MYB: variants seen among roughly 807,000 people sequenced by gnomAD.
MYB encodes MYB proto-oncogene, transcription factor, also known as transcriptional activator Myb.
MYB carries 28 observed loss-of-function variants against 92.9 expected under a neutral mutation model. The ratio of observed to expected loss-of-function variants is 0.30; its 90% CI spans 0.22 to 0.41. MYB has a LOEUF of 0.41. Among genes scored for constraint, MYB ranks in the 10% least tolerant of loss-of-function variants. MYB has a pLI of 1.00. For synonymous variants in MYB, 295 were observed against 329.1 expected, an observed-to-expected ratio of 0.90 and a Z score of 1.12; for missense variants, 679 against 929.3, an observed-to-expected ratio of 0.73 and a Z score of 3.50.
intron 10 of MYB, among the ~76,000 whole-genome samples, chr6:135,198,329 C>T (rs193061095): frequency 2.6e-5 from 4 of 152,204 alleles, no homozygotes; most frequent in African/African-American, 4.8e-5. Context: ...ATTAATATGC[C>T]GTTGTGCCTT....
At chr6:135,196,331 C>T (rs1777301519) in intron 9 of MYB, among the ~76,000 whole-genome samples, 1 of 151,962 alleles carries the variant, frequency 6.6e-6, no homozygotes, top group African/African-American at 2.4e-5. Context: ...ATTATGGGAA[C>T]GGAATGGTGT....
intron 15 of MYB, among the ~76,000 whole-genome samples, chr6:135,213,242 A>G (rs926366058): frequency 2.0e-5 from 3 of 152,184 alleles, no homozygotes; most frequent in Non-Finnish European, 4.4e-5. Context: ...CAGGGGATAT[A>G]TGACTCAGAA....
intron 15 of MYB, chr6:135,203,914 G>A: frequency 8.7e-7 from 1 of 1,145,374 alleles, no homozygotes; most frequent in Non-Finnish European, 1.1e-6. Flanking sequence ...GGTGTGTGTT[G>A]ATGAAATATA....
chr6:135,192,942 C>T (rs763506520), intron 6 of MYB, among the ~76,000 whole-genome samples: 3 of 152,070 alleles, frequency 2.0e-5, no homozygotes, highest in African/African-American at 4.8e-5. Flanking sequence ...TTTTCTCTTC[C>T]AAAACGAAAA....
In MYB at chr6:135,190,047, T is replaced by C; in HGVS notation, c.307-80T>C. 6.6e-7 allele frequency: 1 copy of C among 1,521,806 alleles called. No homozygotes were observed. Among genetic ancestry groups the C allele is most frequent in the South Asian group, 1.2e-5 (1 of 81,958 alleles). The allele number at this position is 1,521,806 out of a possible 1,614,324, so 94.3% of individuals were successfully genotyped here. A position where few individuals can be genotyped will look rare whatever the true frequency, so the allele number is the denominator to read the frequency against. On this transcript the variant is annotated intron_variant, in intron 4 of 15. Transcript: ENST00000341911. The surrounding 1 kb of genome is among the most constrained non-coding windows in gnomAD (Gnocchi z 4.5). Reference sequence around the variant, plus strand: ...GCAAATTTTGGAAATTTTCTAAAGATCTTGTAACACTGAAGAATGATTATA... The same window carrying C: ...GCAAATTTTGGAAATTTTCTAAAGACCTTGTAACACTGAAGAATGATTATA...
Position 135,214,631 on chromosome 6 carries a change from G to A in MYB, c.2170-3233G>A, listed in dbSNP as rs563543584. ...TAATCCTTGCCATAAGCCCTGCATC[G>A]TACTTCATATTCACCATATTGAACT... On this transcript the variant is annotated intron_variant, in intron 15 of 15. Transcript: ENST00000341911. Among the ~76,000 whole-genome samples the A allele has an allele frequency of 2.6e-5, 4 of 152,214 alleles. No homozygotes were observed. The South Asian group carries it at 8.3e-4, about 32-fold the overall frequency.
chr6:135,200,245 AT>A (rs761251719), intron 12 of MYB, 44 bp from the exon 13 acceptor site: 1 of 1,613,978 alleles, frequency 6.2e-7, no homozygotes, highest in Non-Finnish European at 8.5e-7. Flanking sequence ...TATTAGTCCC[AT>A]TAGGAGTTCT....
At chr6:135,206,305 G>A (rs1562391508) in intron 15 of MYB, among the ~76,000 whole-genome samples, 1 of 151,546 alleles carries the variant, frequency 6.6e-6, no homozygotes, top group African/African-American at 2.4e-5. Flanking sequence ...GGCTAGGGCA[G>A]GAGGATCCCT....
rs1780688740 is a variant in MYB at position 135,217,975 on chromosome 6, A to G, written c.2281A>G (p.Met761Val). Reference sequence around the variant, plus strand: ...TGCATTCTCAGCCCGGACGCTGGTCATGTGAGACATTTCCAGAAAAGCATT... The same window carrying G: ...TGCATTCTCAGCCCGGACGCTGGTCGTGTGAGACATTTCCAGAAAAGCATT... ...VNAFSARTLV[M>V] is the part of the protein sequence containing the mutation. The change falls in exon 16 of 16, where the codon ATG becomes GTG. Residue 761 changes from methionine (M) to valine (V), a missense_variant. By Grantham distance (21) the Met-to-Val change is conservative. This residue lies in a region of MYB where 402 missense variants were observed against 434.2 expected (regional missense o/e 0.93). Transcript: ENST00000341911. 1 of 1,595,152 alleles carries G rather than the reference A, an allele frequency of 6.3e-7. No homozygotes were observed. The highest frequency in any genetic ancestry group is 2.2e-5 in the East Asian group (1 of 44,760).
chr6:135,199,127 T>C, intron 11 of MYB, 77 bp downstream of exon 11: 2 of 1,205,734 alleles, frequency 1.7e-6, no homozygotes, highest in Non-Finnish European at 2.3e-6. Flanking sequence ...TTCCCAGATG[T>C]CTGATCCACT....
chr6:135,190,967 T>A lies in MYB; in HGVS notation c.527+620T>A, dbSNP rs1776549888. On this transcript the variant is annotated intron_variant, in intron 5 of 15. Transcript: ENST00000341911. The surrounding 1 kb of genome is among the most constrained non-coding windows in gnomAD (Gnocchi z 4.5). ...GCACCCCACTACACCCAGCTGATTT[T>A]AAAATATTTTTTGTAGAGATGGAAT... 6.6e-6 allele frequency among the ~76,000 whole-genome samples: 1 copy of A among 152,068 alleles called. No individual in the cohort carries two copies. Among genetic ancestry groups the A allele is most frequent in the African/African-American group, 2.4e-5 (1 of 41,376 alleles).
At position 135,193,881 on chromosome 6, in the gene MYB, T is replaced by C. The variant is rs778761961; in HGVS notation, c.806T>C (p.Ile269Thr). Residue 269 changes from isoleucine to threonine, a missense_variant, in exon 7 of 16, where the codon ATA becomes ACA. This residue lies in a region of MYB where 43 missense variants were observed against 87.9 expected (regional missense o/e 0.49). Transcript: ENST00000341911. ...TACCCTGTAGCGTTACATGTAAATA[T>C]AGTCAATGTCCCTCAGCCAGCTGCC... ...VPYPVALHVNIVNVPQPAAAA... is the reference protein window; with the variant it reads ...VPYPVALHVNTVNVPQPAAAA... The C allele has an allele frequency of 6.2e-7, 1 of 1,613,404 alleles. No individual in the cohort carries two copies. The highest frequency in any genetic ancestry group is 8.5e-7 in the Non-Finnish European group (1 of 1,179,312).
rs539535575 is a variant in MYB at position 135,197,326 on chromosome 6, A to C, written c.1566+3A>C. On this transcript the variant is annotated splice_donor_region_variant and intron_variant, in intron 10 of 15. Transcript: ENST00000341911. ...GCCTACCCTTCTCTCCCTCGCAGGT[A>C]GAACACAATTTCTGCACAGCTGTTA... The C allele has an allele frequency of 6.3e-7, 1 of 1,597,922 alleles. No individual in the cohort carries two copies. The highest frequency in any genetic ancestry group is 2.2e-5 in the East Asian group (1 of 44,748).
chr6:135,194,782 C>T (rs949850259), intron 8 of MYB: 7 of 636,928 alleles, frequency 1.1e-5, no homozygotes, highest in African/African-American at 1.8e-5. Context: ...TTCTACAGAG[C>T]TATGTATCTA....
Position 135,194,365 on chromosome 6 carries a change from A to G in MYB, c.853A>G (p.Asn285Asp). The G allele has an allele frequency of 2.5e-6, 4 of 1,607,952 alleles. No homozygotes were observed. Among genetic ancestry groups the G allele is most frequent in the South Asian group, 1.1e-5 (1 of 90,854 alleles). ...TACTTTGTAATTTCAGAGACACTAT[A>G]ATGATGAAGACCCTGAGAAGGAAAA... ...PAAAAIQRHY[N>D]DEDPEKEKRI... is the part of the protein sequence containing the mutation. Residue 285 changes from asparagine to aspartate, a missense_variant, in exon 8 of 16, where the codon AAT becomes GAT. Asn to Asp is a conservative substitution (Grantham distance 23, BLOSUM62 1). Transcript: ENST00000341911.
chr6:135,186,408 A>G (rs987957993), intron 2 of MYB, among the ~76,000 whole-genome samples: 6 of 152,146 alleles, frequency 3.9e-5, no homozygotes, highest in African/African-American at 1.2e-4. Context: ...TGCATGTTCT[A>G]CTTTATTGTT....
intron 6 of MYB, among the ~76,000 whole-genome samples, chr6:135,193,154 G>A (rs1248452547): frequency 6.6e-6 from 1 of 152,116 alleles, no homozygotes; most frequent in African/African-American, 2.4e-5. Context: ...TTGGATCAGT[G>A]TGATCCCTTC....
rs1041149954 is a variant in MYB, at chr6:135,182,641, G to A, written c.23+1105G>A. ...CGCCCCGGCCGAGGCGCGGTGACCGGACAGACCCTCGCGAAGGAGTTCTAA... is the reference window on the plus strand; with the variant it reads ...CGCCCCGGCCGAGGCGCGGTGACCGAACAGACCCTCGCGAAGGAGTTCTAA... On this transcript the variant is annotated intron_variant, in intron 1 of 15. Transcript: ENST00000341911. The surrounding 1 kb of genome is among the most constrained non-coding windows in gnomAD (Gnocchi z 5.6). Among the ~76,000 whole-genome samples, 3 of 152,246 alleles carry A rather than the reference G, an allele frequency of 2.0e-5. No individual in the cohort carries two copies. Among genetic ancestry groups the A allele is most frequent in the Non-Finnish European group, 2.9e-5 (2 of 68,040 alleles).
At position 135,195,909 on chromosome 6, in the gene MYB, G is replaced by A. The variant is rs1370793980; in HGVS notation, c.1110G>A (p.Ser370=). The change falls in exon 9 of 16, where the codon TCG becomes TCA. Residue 370 remains serine, a synonymous_variant. Transcript: ENST00000341911. ...DPGSLPEESA[S]PARCMIVHQG... ...GCTCCCTACCTGAAGAAAGCGCCTC[G>A]CCAGCAAGGTGCATGATCGTCCACC... The A allele has an allele frequency of 3.1e-6, 5 of 1,613,992 alleles. No individual in the cohort carries two copies. In the African/African-American group the frequency reaches 4.0e-5, roughly 13 times the overall value.
Sources: gnomAD v4.1 joint callset for allele counts (sites outside exome capture counted in the v4.1 genomes callset) on GRCh38, gnomAD v4.1.1 for gene constraint, gnomAD v4.1.1 regional missense constraint, Gnocchi (gnomAD v3.1) non-coding constraint, MANE v1.5 for transcripts, NCBI Gene and HGNC (gene_info 2026-07-23, HGNC 2026-07-21) for gene names.